PGM3: variants seen among roughly 807,000 people sequenced by gnomAD.
The protein encoded by PGM3 is phosphoglucomutase 3.
Under a neutral mutation model 66.2 loss-of-function variants are expected in PGM3, and 40 were observed. That is an observed-to-expected ratio of 0.60 (90% CI 0.47 to 0.79). The LOEUF (loss-of-function observed/expected upper bound fraction) is 0.79, where lower values mean the gene tolerates loss of function less well. Ranked by LOEUF, PGM3 falls within the 30% of genes least tolerant of loss-of-function variation. PGM3 has a pLI of 0.00. For missense variants in PGM3, 537 were observed against 643.4 expected, an observed-to-expected ratio of 0.83 and a Z score of 1.79; for synonymous variants, 191 against 224.2, an observed-to-expected ratio of 0.85 and a Z score of 1.32.
Position 83,166,195 on chromosome 6 carries a change from A to G in PGM3, c.*3039T>C, listed in dbSNP as rs531418261. ...AGGCACCCATTTATTGAGCTTTTTCACCTTTTCAATTTGCTTCAAATGCCG... is the reference window on the plus strand; with the variant it reads ...AGGCACCCATTTATTGAGCTTTTTCGCCTTTTCAATTTGCTTCAAATGCCG... On this transcript the variant is annotated 3_prime_UTR_variant, in exon 13 of 13. Coordinates refer to ENST00000513973, the MANE Select transcript of PGM3 (RefSeq NM_015599.3). The G allele has an allele frequency of 5.8e-4, 295 of 511,082 alleles. 7 individuals are homozygous for G. In the South Asian group the frequency reaches 8.1e-3, roughly 14 times the overall value. 31.7% of individuals were successfully genotyped at this position (511,082 alleles called of 1,614,324 possible). A position where few individuals can be genotyped will look rare whatever the true frequency, so the allele number is the denominator to read the frequency against.
At chr6:83,150,069 G>C in the PGM3 span, among the ~76,000 whole-genome samples, 1 of 152,238 alleles carries the variant, frequency 6.6e-6, no homozygotes, top group East Asian at 1.9e-4. Context: ...CTTCTTTGAG[G>C]ATATTTGATC....
At chr6:83,149,172 A>G in the PGM3 span, among the ~76,000 whole-genome samples, 9 of 152,182 alleles carry the variant, frequency 5.9e-5, no homozygotes, top group African/African-American at 1.9e-4. Flanking sequence ...GTGATGTAGC[A>G]TGGCTGAAGG....
chr6:83,169,860 C>G, intron 12 of PGM3: 1 of 440,450 alleles, frequency 2.3e-6, no homozygotes, highest in South Asian at 1.6e-5. Flanking sequence ...GAAACAGGCA[C>G]AGAGTAAGGC....
Position 83,167,750 on chromosome 6 carries a change from T to C in PGM3, c.*1484A>G. ...ATCAGGTCAGGAGTTAGAAACTTAA[T>C]GTCATTTGTATTCATTTCTTGACCA... On this transcript the variant is annotated 3_prime_UTR_variant, in exon 13 of 13. Transcript: ENST00000513973. 6.9e-7 allele frequency: 1 copy of C among 1,449,496 alleles called. No individual in the cohort carries two copies. The highest frequency in any genetic ancestry group is 9.1e-7 in the Non-Finnish European group (1 of 1,102,074). 89.8% of individuals were successfully genotyped at this position (1,449,496 alleles called of 1,614,324 possible).
At chr6:83,151,940 C>T in the PGM3 span, 1 of 1,613,856 alleles carries the variant, frequency 6.2e-7, no homozygotes, top group Non-Finnish European at 8.5e-7. Flanking sequence ...TTCTCTGGAA[C>T]AGACAACATG....
Position 83,174,449 on chromosome 6 carries a change from TTG to T in PGM3, c.1165_1166del (p.Gln389IlefsTer8), listed in dbSNP as rs1787601205. ...FSTAVEMKIK[Q>X]SAEQLEDKKR... is the part of the protein sequence containing the mutation. ...TCTTATCTTCCAGTTGTTCTGCTGA[TTG>T]TTTTATCTTCATTTCAACAGCTGTA... On this transcript the variant is annotated frameshift_variant, in exon 10 of 13. Transcript: ENST00000513973. LOFTEE classifies it high-confidence loss of function. 7 of 1,605,146 alleles carry T rather than the reference TTG, an allele frequency of 4.4e-6. No homozygotes were observed. In the African/African-American group the frequency reaches 9.4e-5, roughly 22 times the overall value.
At chr6:83,170,977 CTG>C (rs1315953635) in intron 11 of PGM3, 5 of 154,140 alleles carry the variant, frequency 3.2e-5, no homozygotes, top group East Asian at 3.8e-4. Flanking sequence ...AGGAAGTACT[CTG>C]TGAACTAAAC....
the PGM3 span, chr6:83,151,576 C>T: frequency 6.3e-7 from 1 of 1,581,090 alleles, no homozygotes; most frequent in Non-Finnish European, 8.6e-7. Flanking sequence ...TTTCTGTTTT[C>T]TCTTTGGCCC....
downstream of PGM3, chr6:83,162,704 A>G (rs1303235421): frequency 5.6e-6 from 8 of 1,428,078 alleles, no homozygotes; most frequent in African/African-American, 1.4e-5. Context: ...CAGTGGGGTC[A>G]TGATCTTTCT....
At position 83,168,565 on chromosome 6, in the gene PGM3, C is replaced by T; in HGVS notation, c.*669G>A. ...CTGGTATCAGAATGGTGTTCCTTCTCCATCAGAGGCTGGGAAACGTATTAT... is the reference window on the plus strand; with the variant it reads ...CTGGTATCAGAATGGTGTTCCTTCTTCATCAGAGGCTGGGAAACGTATTAT... On this transcript the variant is annotated 3_prime_UTR_variant, in exon 13 of 13. Transcript: ENST00000513973. 1.0e-6 allele frequency: 1 copy of T among 998,268 alleles called. No homozygotes were observed. Among genetic ancestry groups the T allele is most frequent in the Non-Finnish European group, 1.2e-6 (1 of 838,142 alleles). The allele number at this position is 998,268 out of a possible 1,614,324, so 61.8% of individuals were successfully genotyped here.
At chr6:83,189,847 A>C (rs893139904) in intron 2 of PGM3, among the ~76,000 whole-genome samples, 2 of 152,242 alleles carry the variant, frequency 1.3e-5, no homozygotes, top group Admixed American at 1.3e-4. Context: ...TCATGGTTGA[A>C]TCTGGAAGAC....
chr6:83,168,839 T>A lies in PGM3; in HGVS notation c.*395A>T. The A allele has an allele frequency of 9.7e-7, 1 of 1,028,780 alleles. No individual in the cohort carries two copies. The highest frequency in any genetic ancestry group is 1.2e-6 in the Non-Finnish European group (1 of 855,240). 63.7% of individuals were successfully genotyped at this position (1,028,780 alleles called of 1,614,324 possible). On this transcript the variant is annotated 3_prime_UTR_variant, in exon 13 of 13. Coordinates refer to ENST00000513973, the MANE Select transcript of PGM3 (RefSeq NM_015599.3). Reference sequence around the variant, plus strand: ...GTCTTCTCTGCCCTCTCCATTTGTATCAGCAATGGGGAATGCTGCAAAACA... The same window carrying A: ...GTCTTCTCTGCCCTCTCCATTTGTAACAGCAATGGGGAATGCTGCAAAACA...
At chr6:83,188,213 A>G (rs1788735879) in intron 3 of PGM3, among the ~76,000 whole-genome samples, 1 of 152,242 alleles carries the variant, frequency 6.6e-6, no homozygotes. Flanking sequence ...GCATGGGAAA[A>G]TGATATAAAT....
intron 4 of PGM3, among the ~76,000 whole-genome samples, chr6:83,185,705 G>A (rs1445983648): frequency 3.3e-5 from 5 of 152,094 alleles, no homozygotes; most frequent in African/African-American, 9.7e-5. Flanking sequence ...GTTGCAGTGA[G>A]CCAAGATCGA....
In PGM3 at chr6:83,168,675, G is replaced by A; in HGVS notation, c.*559C>T. 1 of 994,470 alleles carries A rather than the reference G, an allele frequency of 1.0e-6. No homozygotes were observed. Among genetic ancestry groups the A allele is most frequent in the Non-Finnish European group, 1.2e-6 (1 of 835,400 alleles). 61.6% of individuals were successfully genotyped at this position (994,470 alleles called of 1,614,324 possible). On this transcript the variant is annotated 3_prime_UTR_variant, in exon 13 of 13. Transcript: ENST00000513973. ...CCATGCATCCTTAAAAGTATTGCATGAGCATCTCCACCTCAGTATGGAAGA... is the reference window on the plus strand; with the variant it reads ...CCATGCATCCTTAAAAGTATTGCATAAGCATCTCCACCTCAGTATGGAAGA...
intron 6 of PGM3, among the ~76,000 whole-genome samples, chr6:83,181,310 G>A (rs532893158): frequency 6.6e-6 from 1 of 152,044 alleles, no homozygotes; most frequent in South Asian, 2.1e-4. Context: ...CTCAAAAAGG[G>A]ATCCCCAGAC....
intron 1 of PGM3, among the ~76,000 whole-genome samples, chr6:83,192,722 AAT>A (rs1789234064): frequency 6.6e-6 from 1 of 152,078 alleles, no homozygotes; most frequent in African/African-American, 2.4e-5. Flanking sequence ...AGGTCCAGAT[AAT>A]ATGAGTTCAT....
At chr6:83,152,266 TTTAA>T in the PGM3 span, 2 of 1,456,054 alleles carry the variant, frequency 1.4e-6, no homozygotes, top group Non-Finnish European at 1.9e-6. Flanking sequence ...TAGCCATATC[TTTAA>T]TTTTCTCTTA....
At chr6:83,193,525 C>T (rs1408916649), upstream of PGM3, 1 of 152,190 alleles carries the variant, frequency 6.6e-6, no homozygotes. Context: ...GCACAGCCTC[C>T]GCCTCCAAAT....
Sources: allele counts gnomAD v4.1 joint callset (sites outside exome capture counted in the v4.1 genomes callset), GRCh38; gene constraint gnomAD v4.1.1; transcripts MANE v1.5; gene names NCBI Gene and HGNC (gene_info 2026-07-23, HGNC 2026-07-21).